Variants in GPM6A observed in about 807,000 individuals in gnomAD.
GPM6A encodes the protein neuronal membrane glycoprotein M6-a.
A neutral mutation model predicts 32.1 loss-of-function variants in GPM6A; 7 were observed. The ratio of observed to expected loss-of-function variants is 0.22; its 90% confidence interval spans 0.12 to 0.41. The LOEUF (loss-of-function observed/expected upper bound fraction) is 0.41, where lower values mean the gene tolerates loss of function less well. GPM6A is among the 10% of genes least tolerant of loss of function. The probability of loss-of-function intolerance (pLI) is 1.00; values close to 1 mark genes in which losing one functional copy is unlikely to be tolerated. For missense variants in GPM6A, 235 were observed against 347.2 expected, an observed-to-expected ratio of 0.68 and a Z score of 2.57; for synonymous variants, 130 against 123.4, an observed-to-expected ratio of 1.05 and a Z score of -0.35.
intron 1 of GPM6A, among the ~76,000 whole-genome samples, chr4:175,940,785 T>G (rs1418166857): frequency 6.6e-6 from 1 of 152,148 alleles, no homozygotes; most frequent in Non-Finnish European, 1.5e-5. Context: ...ATTTTTGTAT[T>G]CTTAGTAGAG....
intron 1 of GPM6A, among the ~76,000 whole-genome samples, chr4:175,716,116 A>G (rs1363382566): frequency 1.3e-5 from 2 of 152,216 alleles, no homozygotes; most frequent in Admixed American, 6.5e-5. Flanking sequence ...ATGCCCTAGC[A>G]CAATATCTGA....
intron 1 of GPM6A, among the ~76,000 whole-genome samples, chr4:175,770,305 C>T (rs574130630): frequency 2.0e-5 from 3 of 152,176 alleles, no homozygotes; most frequent in South Asian, 2.1e-4. Context: ...GGGTTACAGG[C>T]GTGAGCCACT....
At chr4:175,934,286 C>T (rs1739150867) in intron 1 of GPM6A, among the ~76,000 whole-genome samples, 1 of 152,110 alleles carries the variant, frequency 6.6e-6, no homozygotes, top group Non-Finnish European at 1.5e-5. Context: ...TTTTGTAAAC[C>T]ACTGATTCCC....
At chr4:175,989,276 G>T (rs1304507595) in intron 1 of GPM6A, among the ~76,000 whole-genome samples, 3 of 152,104 alleles carry the variant, frequency 2.0e-5, no homozygotes, top group Non-Finnish European at 4.4e-5. Context: ...TAAAAGATAA[G>T]AGAGAACTGA....
At chr4:175,669,517 G>A (rs947154343) in intron 3 of GPM6A, among the ~76,000 whole-genome samples, 13 of 152,048 alleles carry the variant, frequency 8.5e-5, no homozygotes, top group African/African-American at 2.4e-4. Flanking sequence ...TCACGTTGAC[G>A]CTCAAAAAGT....
chr4:175,642,023 C>T (rs1219054676), intron 4 of GPM6A: 1 of 152,116 alleles, frequency 6.6e-6, no homozygotes, highest in Non-Finnish European at 1.5e-5. Context: ...TATGTATTTA[C>T]ATATTCTTAG....
intron 1 of GPM6A, chr4:176,002,228 G>C (rs1287919134): frequency 7.8e-6 from 11 of 1,416,518 alleles, no homozygotes; most frequent in Non-Finnish European, 8.8e-6. Context: ...TGAGGCCGAG[G>C]AACATTCATT....
intron 1 of GPM6A, among the ~76,000 whole-genome samples, chr4:175,880,014 T>C (rs1471714653): frequency 2.0e-5 from 3 of 152,276 alleles, no homozygotes; most frequent in East Asian, 3.9e-4. Context: ...GATTTTATGG[T>C]TTTAGGTCTA....
At chr4:175,774,868 C>T (rs1202279458) in intron 1 of GPM6A, among the ~76,000 whole-genome samples, 1 of 151,986 alleles carries the variant, frequency 6.6e-6, no homozygotes, top group African/African-American at 2.4e-5. Context: ...AATACTGATG[C>T]TATATAAAAA....
At chr4:175,765,168 C>T (rs1352106417) in intron 1 of GPM6A, among the ~76,000 whole-genome samples, 6 of 152,258 alleles carry the variant, frequency 3.9e-5, no homozygotes, top group Non-Finnish European at 7.4e-5. Flanking sequence ...AGCCACTGCA[C>T]CTGGCTGCCT....
intron 1 of GPM6A, among the ~76,000 whole-genome samples, chr4:175,723,950 A>G (rs947841133): frequency 4.6e-5 from 7 of 152,148 alleles, no homozygotes; most frequent in Admixed American, 2.0e-4. Flanking sequence ...TGATCCAGCA[A>G]TCTCACTACT....
At chr4:175,709,949 C>T (rs1745439298) in intron 1 of GPM6A, among the ~76,000 whole-genome samples, 2 of 151,910 alleles carry the variant, frequency 1.3e-5, no homozygotes, top group Non-Finnish European at 1.5e-5. Context: ...GTATTCTAGA[C>T]TCTAGGTAGT....
At chr4:175,850,103 G>A (rs889977688) in intron 1 of GPM6A, among the ~76,000 whole-genome samples, 2 of 152,128 alleles carry the variant, frequency 1.3e-5, no homozygotes, top group African/African-American at 2.4e-5. Context: ...GATGTGAAGA[G>A]ACATGGAAGC....
chr4:175,715,136 G>A (rs1745772935), intron 1 of GPM6A, among the ~76,000 whole-genome samples: 1 of 151,928 alleles, frequency 6.6e-6, no homozygotes, highest in Non-Finnish European at 1.5e-5. Flanking sequence ...TAACATAAAT[G>A]TTCCTCCCCT....
At chr4:175,913,220 T>C (rs1738378161) in intron 1 of GPM6A, among the ~76,000 whole-genome samples, 1 of 152,230 alleles carries the variant, frequency 6.6e-6, no homozygotes, top group Non-Finnish European at 1.5e-5. Context: ...AAGTGTTTAC[T>C]ACAGGAAAAT....
intron 1 of GPM6A, among the ~76,000 whole-genome samples, chr4:175,752,563 C>T (rs1732378481): frequency 6.6e-6 from 1 of 152,028 alleles, no homozygotes; most frequent in Non-Finnish European, 1.5e-5. Flanking sequence ...AAGAATTATG[C>T]CAAAGAAAAA....
At chr4:175,992,754 A>C (rs1741190830) in intron 1 of GPM6A, among the ~76,000 whole-genome samples, 1 of 152,210 alleles carries the variant, frequency 6.6e-6, no homozygotes, top group South Asian at 2.1e-4. Context: ...AGTCTCTATA[A>C]ATAAAATACA....
chr4:175,838,898 T>C (rs1353043818), intron 1 of GPM6A, among the ~76,000 whole-genome samples: 1 of 151,900 alleles, frequency 6.6e-6, no homozygotes, highest in Non-Finnish European at 1.5e-5. Flanking sequence ...CAGGTGATCC[T>C]GACCTCAGGC....
chr4:175,918,728 G>C (rs1738574512), intron 1 of GPM6A, among the ~76,000 whole-genome samples: 1 of 152,060 alleles, frequency 6.6e-6, no homozygotes, highest in African/African-American at 2.4e-5. Flanking sequence ...AAAAACATGT[G>C]TTTCCAGTAG....
Sources: allele counts gnomAD v4.1 joint callset (sites outside exome capture counted in the v4.1 genomes callset), GRCh38; gene constraint gnomAD v4.1.1; transcripts MANE v1.5; gene names NCBI Gene and HGNC (gene_info 2026-07-23, HGNC 2026-07-21).